Variants in LRCH1 observed in about 807,000 individuals in gnomAD.
LRCH1 encodes leucine-rich repeat and calponin homology domain-containing protein 1.
Under a neutral mutation model 94.9 loss-of-function variants are expected in LRCH1, and 23 were observed. The observed-to-expected ratio is 0.24, with a 90% CI of 0.17 to 0.34. LRCH1 has a LOEUF of 0.34. Ranked by LOEUF, LRCH1 falls within the 10% of genes least tolerant of loss-of-function variation. The pLI is 1.00. For synonymous variants in LRCH1, 364 were observed against 354.9 expected (o/e 1.03, Z -0.29); for missense variants, 790 against 945.9 (o/e 0.84, Z 2.16).
chr13:46,733,341 T>C (rs1183545083), intron 18 of LRCH1, among the ~76,000 whole-genome samples: 1 of 152,184 alleles, frequency 6.6e-6, no homozygotes, highest in African/African-American at 2.4e-5. Context: ...CATCCACCAT[T>C]TTCAGTGCTG....
At chr13:46,693,929 T>TTTTC in intron 8 of LRCH1, among the ~76,000 whole-genome samples, 1 of 151,920 alleles carries the variant, frequency 6.6e-6, no homozygotes, top group South Asian at 2.1e-4. Context: ...AGGAGAGCTG[T>TTTTC]TTAAGTTCAC....
chr13:46,727,631 T>C (rs1171301493), intron 17 of LRCH1, among the ~76,000 whole-genome samples: 2 of 152,130 alleles, frequency 1.3e-5, no homozygotes, highest in African/African-American at 4.8e-5. Flanking sequence ...GCCTCCTGAG[T>C]AGCTGGGAGG....
chr13:46,706,299 C>T (rs1871757663), intron 13 of LRCH1, among the ~76,000 whole-genome samples: 2 of 152,100 alleles, frequency 1.3e-5, no homozygotes, highest in Admixed American at 6.6e-5. Context: ...TTGTAAAGAT[C>T]GAATTAGGAA....
chr13:46,641,143 A>T lies in LRCH1; in HGVS notation c.308-9058A>T, dbSNP rs571316374. Among the ~76,000 whole-genome samples the T allele has an allele frequency of 2.0e-5, 3 of 152,182 alleles. No individual in the cohort carries two copies. The East Asian group carries it at 5.8e-4, about 29-fold the overall frequency. On this transcript the variant is annotated intron_variant, in intron 1 of 19. Transcript: ENST00000389797. The stretch of plus-strand genomic sequence containing the variant: ...GTTATGGGCTGGGTGGGGTGTCTAG[A>T]GGAGTGGGAAGTGAGGGTCAGACAC...
rs115784012 is a variant in LRCH1 at position 46,670,937 on chromosome 13, G to A, written c.579+1781G>A. The stretch of plus-strand genomic sequence containing the variant: ...GCCGTTTAATCCTGCTGAAGTCTAG[G>A]TAGATAGAATGGGGCTGGGCACACC... On this transcript the variant is annotated intron_variant, in intron 3 of 19. Coordinates refer to ENST00000389797, the MANE Select transcript of LRCH1 (RefSeq NM_001164211.2). Among the ~76,000 whole-genome samples, 466 of 152,288 alleles carry A rather than the reference G, an allele frequency of 3.1e-3. 4 individuals carry two copies. The highest frequency in any genetic ancestry group is 0.011 in the African/African-American group (446 of 41,556).
At chr13:46,669,748 C>T (rs4942569) in intron 3 of LRCH1, among the ~76,000 whole-genome samples, 96,234 of 152,118 alleles carry the variant, frequency 0.63, 30,972 homozygotes, top group Middle Eastern at 0.72. Context: ...ATTATTTACC[C>T]TTTTTCTAAA....
intron 1 of LRCH1, among the ~76,000 whole-genome samples, chr13:46,583,764 A>G (rs1330977389): frequency 2.9e-4 from 41 of 142,922 alleles, no homozygotes; most frequent in African/African-American, 9.3e-4. Context: ...GAATTTTTCT[A>G]TTTTTTTTTT....
chr13:46,671,616 G>A lies in LRCH1; in HGVS notation c.579+2460G>A, dbSNP rs113022840. ...GAAACAAAAAATTTCCTAGGTGAAA[G>A]CTTTGGATGAAAGTGACGGTCATAT... On this transcript the variant is annotated intron_variant, in intron 3 of 19. Transcript: ENST00000389797. Among the ~76,000 whole-genome samples, 734 of 152,330 alleles carry A rather than the reference G, an allele frequency of 4.8e-3. 12 individuals carry two copies. The highest frequency in any genetic ancestry group is 0.017 in the African/African-American group (712 of 41,578).
At chr13:46,675,989 C>T (rs2051667187) in intron 3 of LRCH1, among the ~76,000 whole-genome samples, 1 of 152,170 alleles carries the variant, frequency 6.6e-6, no homozygotes, top group Non-Finnish European at 1.5e-5. Flanking sequence ...TTTAAGACAG[C>T]GAGTTCTGGC....
exon 19 of LRCH1, chr13:46,750,580 G>T (rs896848654): frequency 3.2e-6 from 5 of 1,551,932 alleles, no homozygotes; most frequent in African/African-American, 2.7e-5. Context: ...GAAGAAAAAG[G>T]CCTGGTCAAA....
At chr13:46,722,533 T>C (rs1301135223) in intron 16 of LRCH1, among the ~76,000 whole-genome samples, 2 of 152,218 alleles carry the variant, frequency 1.3e-5, no homozygotes, top group African/African-American at 2.4e-5. Context: ...CTCAGCTCAT[T>C]TCAGAGGATG....
chr13:46,605,758 A>G (rs1470464031), intron 1 of LRCH1, among the ~76,000 whole-genome samples: 1 of 152,172 alleles, frequency 6.6e-6, no homozygotes, highest in African/African-American at 2.4e-5. Context: ...TTTCTCTTTC[A>G]GTTTTCTTTC....
intron 2 of LRCH1, among the ~76,000 whole-genome samples, chr13:46,668,140 G>A (rs1004340539): frequency 3.3e-4 from 51 of 152,260 alleles, no homozygotes; most frequent in Admixed American, 2.4e-3. Flanking sequence ...CTTGGTAGCA[G>A]GAAAAAGGGG....
At chr13:46,747,434 C>G (rs143462308), downstream of LRCH1, among the ~76,000 whole-genome samples, 1 of 152,218 alleles carries the variant, frequency 6.6e-6, no homozygotes, top group Admixed American at 6.5e-5. Context: ...GCCCTGGGGT[C>G]AGTCCTTCAT....
chr13:46,729,057 T>A, intron 18 of LRCH1, 73 bp downstream of exon 18: 1 of 1,432,672 alleles, frequency 7.0e-7, no homozygotes, highest in Admixed American at 2.0e-5. Flanking sequence ...GTTTAGGATG[T>A]CAATGGTGTC....
Position 46,574,828 on chromosome 13 carries a change from T to G in LRCH1, c.307+21125T>G, listed in dbSNP as rs913821428. Among the ~76,000 whole-genome samples the G allele has an allele frequency of 8.7e-5, 13 of 150,022 alleles. No homozygotes were observed. In the East Asian group the frequency reaches 1.9e-3, roughly 22 times the overall value. Reference sequence around the variant, plus strand: ...GCATTTATTTGTGTGTGGGGTTTTTTTTTTTTTTTTTTTTTTTTGGTGTAT... The same window carrying G: ...GCATTTATTTGTGTGTGGGGTTTTTGTTTTTTTTTTTTTTTTTTGGTGTAT... On this transcript the variant is annotated intron_variant, in intron 1 of 19. Transcript: ENST00000389797.
intron 1 of LRCH1, among the ~76,000 whole-genome samples, chr13:46,615,216 G>A (rs2050792639): frequency 6.6e-6 from 1 of 152,184 alleles, no homozygotes; most frequent in Admixed American, 6.5e-5. Flanking sequence ...CTGCAAGCAT[G>A]GCACCAGCAT....
At chr13:46,624,631 T>C (rs1419178075) in intron 1 of LRCH1, among the ~76,000 whole-genome samples, 1 of 152,156 alleles carries the variant, frequency 6.6e-6, no homozygotes, top group Admixed American at 6.5e-5. Flanking sequence ...GTTTTCGTTA[T>C]GAAAATGTCC....
intron 1 of LRCH1, among the ~76,000 whole-genome samples, chr13:46,613,247 G>A (rs543875460): frequency 8.8e-4 from 134 of 152,068 alleles, no homozygotes; most frequent in African/African-American, 3.2e-3. Flanking sequence ...AAAATTAGCC[G>A]AGCGTGGTGG....
Sources: gnomAD v4.1 joint callset for allele counts (sites outside exome capture counted in the v4.1 genomes callset) on GRCh38, gnomAD v4.1.1 for gene constraint, MANE v1.5 for transcripts, NCBI Gene and HGNC (gene_info 2026-07-23, HGNC 2026-07-21) for gene names.